The following RAB11FIP2 variants were observed in gnomAD, a reference collection of about 807,000 sequenced individuals.
RAB11FIP2 encodes rab11 family-interacting protein 2.
A neutral mutation model predicts 40.9 loss-of-function variants in RAB11FIP2; 16 were observed. The observed-to-expected ratio is 0.39, with a 90% CI of 0.26 to 0.59. RAB11FIP2 has a LOEUF of 0.59. RAB11FIP2 is among the 20% of genes least tolerant of loss of function. The pLI is 0.53. For missense variants in RAB11FIP2, 532 were observed against 606.2 expected (o/e 0.88, Z 1.28); for synonymous variants, 228 against 213.7 (o/e 1.07, Z -0.58).
Position 118,008,177 on chromosome 10 carries a change from T to C in RAB11FIP2, c.*821A>G, listed in dbSNP as rs950766076. On this transcript the variant is annotated 3_prime_UTR_variant, in exon 5 of 5. Transcript: ENST00000355624. ...AATTAATTCAAATAAATTCATGCTGTTATGAAGTTAATGAAGTCTCCTAAA... is the reference window on the plus strand; with the variant it reads ...AATTAATTCAAATAAATTCATGCTGCTATGAAGTTAATGAAGTCTCCTAAA... 4.6e-5 allele frequency: 7 copies of C among 152,208 alleles called. No individual in the cohort carries two copies. The highest frequency in any genetic ancestry group is 1.7e-4 in the African/African-American group (7 of 41,450). 9.4% of individuals were successfully genotyped at this position (152,208 alleles called of 1,614,324 possible).
intron 3 of RAB11FIP2, among the ~76,000 whole-genome samples, chr10:118,036,958 C>G (rs1320085753): frequency 6.6e-6 from 1 of 151,824 alleles, no homozygotes; most frequent in East Asian, 1.9e-4. Context: ...ACTCAATAAG[C>G]TTTTTTTTCC....
intron 3 of RAB11FIP2, among the ~76,000 whole-genome samples, chr10:118,038,578 G>A (rs1293671704): frequency 6.6e-6 from 1 of 152,022 alleles, no homozygotes; most frequent in African/African-American, 2.4e-5. Flanking sequence ...TAGCACATGG[G>A]CTGCTGTTGG....
intron 3 of RAB11FIP2, among the ~76,000 whole-genome samples, chr10:118,016,969 A>G (rs1423482677): frequency 1.3e-5 from 2 of 152,378 alleles, no homozygotes; most frequent in South Asian, 2.1e-4. Context: ...ATTATTTCAT[A>G]AACTTTTACA....
chr10:118,021,078 A>G (rs938649059), intron 3 of RAB11FIP2, among the ~76,000 whole-genome samples: 8 of 151,964 alleles, frequency 5.3e-5, no homozygotes, highest in Middle Eastern at 3.2e-3. Flanking sequence ...CACCCTGCCT[A>G]CACATACACA....
intron 4 of RAB11FIP2, among the ~76,000 whole-genome samples, chr10:118,010,237 TA>T (rs1846140210): frequency 6.6e-6 from 1 of 152,188 alleles, no homozygotes; most frequent in Admixed American, 6.6e-5. Context: ...TTATTCTTTT[TA>T]AATCATAGTT....
At chr10:118,028,476 T>C (rs1366790700) in intron 3 of RAB11FIP2, among the ~76,000 whole-genome samples, 1 of 152,098 alleles carries the variant, frequency 6.6e-6, no homozygotes, top group Non-Finnish European at 1.5e-5. Flanking sequence ...AATCACTTCA[T>C]AGTTAATTTG....
intron 3 of RAB11FIP2, among the ~76,000 whole-genome samples, chr10:118,035,650 G>A (rs1176149232): frequency 6.6e-6 from 1 of 152,048 alleles, no homozygotes; most frequent in East Asian, 1.9e-4. Context: ...CAAGCATCAC[G>A]CTGGAGACTA....
At chr10:118,034,177 G>A (rs1846452134) in intron 3 of RAB11FIP2, 2 of 636,144 alleles carry the variant, frequency 3.1e-6, no homozygotes, top group Non-Finnish European at 5.8e-6. Flanking sequence ...AAAACTGGCA[G>A]CAAGCCAGAT....
At chr10:118,018,345 C>A (rs911843826) in intron 3 of RAB11FIP2, 9 of 152,360 alleles carry the variant, frequency 5.9e-5, no homozygotes, top group East Asian at 3.9e-4. Flanking sequence ...GGACTGCCGT[C>A]CTCATGTCAG....
Position 118,040,423 on chromosome 10 carries a change from T to C in RAB11FIP2, c.496A>G (p.Lys166Glu). ...MKDKTRSPFA[K>E]LKDKMKGRKN... Reference sequence around the variant, plus strand: ...CTACCCTTCATCTTATCTTTTAACTTTGCAAAAGGAGATCTGGTTTTGTCC... The same window carrying C: ...CTACCCTTCATCTTATCTTTTAACTCTGCAAAAGGAGATCTGGTTTTGTCC... The change falls in exon 2 of 5, where the codon AAG becomes GAG. Residue 166 changes from lysine to glutamate, a missense_variant. By Grantham distance (56) the Lys-to-Glu change is moderately conservative (BLOSUM62 1). Transcript: ENST00000355624. The C allele has an allele frequency of 6.2e-7, 1 of 1,613,840 alleles. No individual in the cohort carries two copies.
Position 118,039,135 on chromosome 10 carries a change from C to G in RAB11FIP2, c.1102G>C (p.Asp368His). The G allele has an allele frequency of 1.2e-6, 2 of 1,613,750 alleles. No individual in the cohort carries two copies. The highest frequency in any genetic ancestry group is 1.3e-5 in the African/African-American group (1 of 75,034). The change falls in exon 3 of 5, where the codon GAT becomes CAT. Residue 368 changes from aspartate to histidine, a missense_variant. Asp to His is a moderately conservative substitution (Grantham distance 81). Coordinates refer to ENST00000355624, the MANE Select transcript of RAB11FIP2 (RefSeq NM_014904.3). ...SLFERVTGKKDSRRSDKLNNG... is the reference protein window; with the variant it reads ...SLFERVTGKKHSRRSDKLNNG... ...TTAAGTTTATCAGATCTTCTGCTATCTTTTTTTCCAGTCACTCTTTCAAAC... is the reference window on the plus strand; with the variant it reads ...TTAAGTTTATCAGATCTTCTGCTATGTTTTTTTCCAGTCACTCTTTCAAAC...
intron 3 of RAB11FIP2, among the ~76,000 whole-genome samples, chr10:118,019,329 CAGG>C (rs1414257269): frequency 5.3e-5 from 8 of 151,982 alleles, no homozygotes; most frequent in Admixed American, 5.2e-4. Flanking sequence ...ATGTGAAATC[CAGG>C]AGGTGTGCCA....
chr10:118,042,732 G>GA (rs1462299430), intron 1 of RAB11FIP2, among the ~76,000 whole-genome samples: 1 of 151,830 alleles, frequency 6.6e-6, no homozygotes, highest in Non-Finnish European at 1.5e-5. Flanking sequence ...ACATTGTCTT[G>GA]TTTTTTTAGT....
Position 118,008,975 on chromosome 10 carries a change from TCAATA to T in RAB11FIP2, c.*18_*22del, listed in dbSNP as rs546472914. ...TTCTTTCTCTCTCTTTGTCCAATTA[TCAATA>T]CAATACAATTGGCTTTATTAACTGT... is the stretch of plus-strand genomic sequence containing the variant. On this transcript the variant is annotated 3_prime_UTR_variant, in exon 5 of 5. Transcript: ENST00000355624. 2.8e-3 allele frequency: 4,283 copies of T among 1,551,208 alleles called. 22 individuals are homozygous for T. Among genetic ancestry groups the T allele is most frequent in the South Asian group, 8.8e-3 (788 of 89,244 alleles).
In RAB11FIP2 at chr10:118,004,963, T is replaced by C. The variant is rs1159829426; in HGVS notation, c.*4035A>G. 6.5e-6 allele frequency: 1 copy of C among 152,688 alleles called. No homozygotes were observed. Among genetic ancestry groups the C allele is most frequent in the African/African-American group, 2.4e-5 (1 of 41,474 alleles). 9.5% of individuals were successfully genotyped at this position (152,688 alleles called of 1,614,324 possible). A position where few individuals can be genotyped will look rare whatever the true frequency, so the allele number is the denominator to read the frequency against. On this transcript the variant is annotated 3_prime_UTR_variant, in exon 5 of 5. Transcript: ENST00000355624. ...ACTATAAGTCAATAATCATATATTATATAAAAATTCTGATTCATGCATCAG... is the reference window on the plus strand; with the variant it reads ...ACTATAAGTCAATAATCATATATTACATAAAAATTCTGATTCATGCATCAG...
At chr10:118,020,767 T>C (rs1329566779) in intron 3 of RAB11FIP2, among the ~76,000 whole-genome samples, 1 of 152,226 alleles carries the variant, frequency 6.6e-6, no homozygotes, top group African/African-American at 2.4e-5. Context: ...ATTATTCGTT[T>C]TGAGTGTGTC....
At chr10:118,024,720 C>A (rs1846322674) in intron 3 of RAB11FIP2, among the ~76,000 whole-genome samples, 1 of 152,114 alleles carries the variant, frequency 6.6e-6, no homozygotes. Flanking sequence ...CAAGGCATCC[C>A]TGGTCCCTGT....
At chr10:118,014,965 G>T (rs1172953312) in intron 4 of RAB11FIP2, 100 bp downstream of exon 4, 6 of 969,490 alleles carry the variant, frequency 6.2e-6, no homozygotes, top group African/African-American at 1.7e-5. Flanking sequence ...TTAGGTAAGT[G>T]AGGCAGAAGG....
intron 3 of RAB11FIP2, among the ~76,000 whole-genome samples, chr10:118,029,662 A>G (rs1212710156): frequency 6.6e-6 from 1 of 152,140 alleles, no homozygotes; most frequent in Non-Finnish European, 1.5e-5. Context: ...ATTCAGAAAA[A>G]AATCATCCTG....
Sources: gnomAD v4.1 joint callset for allele counts (sites outside exome capture counted in the v4.1 genomes callset) on GRCh38, gnomAD v4.1.1 for gene constraint, MANE v1.5 for transcripts, NCBI Gene and HGNC (gene_info 2026-07-23, HGNC 2026-07-21) for gene names.